Variants in MYO9B observed in about 807,000 individuals in gnomAD.
MYO9B encodes the protein myosin IXB.
MYO9B carries 71 observed loss-of-function variants against 229.5 expected under a neutral mutation model. The ratio of observed to expected loss-of-function variants is 0.31; its 90% CI spans 0.26 to 0.38. The LOEUF (loss-of-function observed/expected upper bound fraction) is 0.38, where lower values mean the gene tolerates loss of function less well. MYO9B is among the 10% of genes least tolerant of loss of function. The pLI is 1.00. For missense variants in MYO9B, 2,255 were observed against 2,920.5 expected, an observed-to-expected ratio of 0.77 and a Z score of 5.25; for synonymous variants, 1,185 against 1,235.8, an observed-to-expected ratio of 0.96 and a Z score of 0.86.
Position 17,162,473 on chromosome 19 carries a change from GC to G in MYO9B, c.1536+12del. On this transcript the variant is annotated splice_region_variant and intron_variant, in intron 9 of 39. Coordinates refer to ENST00000682292, the MANE Select transcript of MYO9B (RefSeq NM_004145.4). ...CGTGGAAGAGGCAGTCTCGGTGAGT[GC>G]CCCCATTTGCTTCCTCAAGCCCGGC... is the stretch of plus-strand genomic sequence containing the variant. 2 of 1,553,310 alleles carry G rather than the reference GC, an allele frequency of 1.3e-6. No individual in the cohort carries two copies. The highest frequency in any genetic ancestry group is 1.9e-5 in the Admixed American group (1 of 51,522).
At position 17,213,160 on chromosome 19, in the gene MYO9B, C is replaced by T. The variant is rs1307906531; in HGVS notation, c.*850C>T. 1 of 152,328 alleles carries T rather than the reference C, an allele frequency of 6.6e-6. No individual in the cohort carries two copies. The highest frequency in any genetic ancestry group is 1.5e-5 in the Non-Finnish European group (1 of 68,108). 9.4% of individuals were successfully genotyped at this position (152,328 alleles called of 1,614,324 possible). ...CCTCCCTATAGGTCAACAGGGACAA[C>T]CTGGGGATCTCTGGAGCAGGGCCCT... On this transcript the variant is annotated 3_prime_UTR_variant, in exon 40 of 40. Transcript: ENST00000682292.
chr19:17,156,796 T>C, intron 6 of MYO9B, 113 bp from the exon 7 acceptor site: 8 of 1,271,328 alleles, frequency 6.3e-6, no homozygotes, highest in Non-Finnish European at 8.7e-6. Flanking sequence ...TCAAATTTCA[T>C]GCGTTCCGAC....
Position 17,154,401 on chromosome 19 carries a change from C to T in MYO9B, c.1185C>T (p.Pro395=), listed in dbSNP as rs780321354. Residue 395 remains proline (P), a synonymous_variant, in exon 6 of 40, where the codon CCC becomes CCT. Coordinates refer to ENST00000682292, the MANE Select transcript of MYO9B (RefSeq NM_004145.4). Reference sequence around the variant, plus strand: ...CCATGGAGATGGTGGGCTTCCTCCCCGCCACCAAGAAGCAGTAAGTGTGCG... The same window carrying T: ...CCATGGAGATGGTGGGCTTCCTCCCTGCCACCAAGAAGCAGTAAGTGTGCG... ...KQAMEMVGFL[P]ATKKQIFAVL... 47 of 1,611,880 alleles carry T rather than the reference C, an allele frequency of 2.9e-5. No homozygotes were observed. Among genetic ancestry groups the T allele is most frequent in the Middle Eastern group, 1.7e-4 (1 of 6,038 alleles).
rs2072938443 is a variant in MYO9B at position 17,188,030 on chromosome 19, C to G, written c.2673C>G (p.Ala891=). The G allele has an allele frequency of 6.3e-7, 1 of 1,595,500 alleles. No individual in the cohort carries two copies. Among genetic ancestry groups the G allele is most frequent in the East Asian group, 2.3e-5 (1 of 43,864 alleles). Residue 891 remains alanine, a synonymous_variant, in exon 19 of 40, where the codon GCC becomes GCG. Coordinates refer to ENST00000682292, the MANE Select transcript of MYO9B (RefSeq NM_004145.4). ...TVRIRRSGYS[A]KYTFQDFTEQ... is the part of the protein sequence containing the mutation. ...GCATCCGGAGGTCAGGGTACAGCGC[C>G]AAGTACACGTTCCAGGTAGGCCACA... is the stretch of plus-strand genomic sequence containing the variant.
intron 2 of MYO9B, among the ~76,000 whole-genome samples, chr19:17,123,274 G>A (rs957586976): frequency 2.0e-5 from 3 of 152,168 alleles, no homozygotes; most frequent in African/African-American, 7.2e-5. Context: ...AGATAGCAGA[G>A]CTGCAATTCG....
rs533664541 is a variant in MYO9B at position 17,130,336 on chromosome 19, G to A, written c.841-15061G>A. Among the ~76,000 whole-genome samples the A allele has an allele frequency of 1.3e-4, 20 of 152,024 alleles. No homozygotes were observed. The East Asian group carries it at 2.1e-3, about 16-fold the overall frequency. ...CAGTACAGAAATTAGCCGGGCATTG[G>A]CCGGGCACGGTGGCTCACGCCTGTA... On this transcript the variant is annotated intron_variant, in intron 2 of 39. Coordinates refer to ENST00000682292, the MANE Select transcript of MYO9B (RefSeq NM_004145.4).
chr19:17,207,482 A>G (rs1208843938), intron 35 of MYO9B: 1 of 296,208 alleles, frequency 3.4e-6, no homozygotes, highest in Admixed American at 5.1e-5. Flanking sequence ...TGAAATTGGA[A>G]ATTTGTATTT....
At position 17,211,923 on chromosome 19, in the gene MYO9B, C is replaced by T. The variant is rs543449247; in HGVS notation, c.6087C>T (p.Pro2029=). The T allele has an allele frequency of 4.9e-5, 77 of 1,575,230 alleles. No homozygotes were observed. The highest frequency in any genetic ancestry group is 3.4e-4 in the African/African-American group (25 of 73,944). Residue 2029 remains proline, a synonymous_variant, in exon 40 of 40, where the codon CCC becomes CCT. Transcript: ENST00000682292. The part of the protein sequence containing the change: ...EGPPAPALPC[P]GAPTPSPLPT... The stretch of plus-strand genomic sequence containing the variant: ...CCCCTGCGCCTGCTCTCCCTTGCCC[C>T]GGCGCGCCCACCCCGAGCCCCCTCC...
At position 17,201,956 on chromosome 19, in the gene MYO9B, A is replaced by G. The variant is rs1485822193; in HGVS notation, c.4594A>G (p.Ile1532Val). The change falls in exon 27 of 40, where the codon ATT becomes GTT. Residue 1532 changes from isoleucine (I) to valine (V), a missense_variant. Around this residue, in one of 7 missense-constraint regions of MYO9B, gnomAD observed 416 missense variants for 605.5 expected, o/e 0.69. Coordinates refer to ENST00000682292, the MANE Select transcript of MYO9B (RefSeq NM_004145.4). ...INDLRSQKTP[I>V]ESLFIEATEK... is the part of the protein sequence containing the mutation. ...TGACCTCCGTTCCCAGAAGACGCCCATTGAGAGCTTGTTTATCGAAGCCAC... is the reference window on the plus strand; with the variant it reads ...TGACCTCCGTTCCCAGAAGACGCCCGTTGAGAGCTTGTTTATCGAAGCCAC... 1.2e-6 allele frequency: 2 copies of G among 1,612,478 alleles called. No homozygotes were observed. The highest frequency in any genetic ancestry group is 8.5e-7 in the Non-Finnish European group (1 of 1,179,470).
At chr19:17,186,068 T>G in intron 18 of MYO9B, 67 bp downstream of exon 18, 1 of 1,422,846 alleles carries the variant, frequency 7.0e-7, no homozygotes, top group Non-Finnish European at 9.9e-7. Context: ...TCGGTGTCCC[T>G]GCATCCAGCC....
Position 17,200,766 on chromosome 19 carries a change from G to A in MYO9B, c.4500G>A (p.Ser1500=), listed in dbSNP as rs768143028. The change falls in exon 26 of 40, where the codon TCG becomes TCA. Residue 1500 remains serine, a synonymous_variant. Coordinates refer to ENST00000682292, the MANE Select transcript of MYO9B (RefSeq NM_004145.4). ...CAGTGTCAGAGAAGTGGCGGGAATC[G>A]GTGTTCCGCCAGATCACCAACGCCA... ...KITVSEKWRE[S]VFRQITNANE... is the part of the protein sequence containing the mutation. 3.7e-6 allele frequency: 6 copies of A among 1,613,878 alleles called. No homozygotes were observed. Among genetic ancestry groups the A allele is most frequent in the South Asian group, 1.1e-5 (1 of 91,086 alleles).
intron 6 of MYO9B, 22 bp downstream of exon 6, chr19:17,154,437 G>A (rs368921305): frequency 1.2e-4 from 185 of 1,591,500 alleles, no homozygotes; most frequent in African/African-American, 2.3e-4. Flanking sequence ...GGCTCCCGGG[G>A]CCTGTCCCCC....
chr19:17,115,614 G>A (rs551327260), intron 2 of MYO9B, among the ~76,000 whole-genome samples: 69 of 151,558 alleles, frequency 4.6e-4, no homozygotes, highest in African/African-American at 1.6e-3. Flanking sequence ...TATTACAGGC[G>A]CCCACCACAA....
intron 2 of MYO9B, among the ~76,000 whole-genome samples, chr19:17,112,070 G>T (rs1283232537): frequency 6.6e-6 from 1 of 152,178 alleles, no homozygotes; most frequent in Non-Finnish European, 1.5e-5. Flanking sequence ...TTGTATGGCT[G>T]GTATGTGGTT....
chr19:17,091,340 C>T lies in MYO9B; in HGVS notation c.-58-10320C>T, dbSNP rs192372723. On this transcript the variant is annotated intron_variant, in intron 1 of 39. Coordinates refer to ENST00000682292, the MANE Select transcript of MYO9B (RefSeq NM_004145.4). Reference sequence around the variant, plus strand: ...TCATGGGCTCAGGCAATCCCCCTGCCTCGGCCTCCCGAGTAGCTGGGATTA... The same window carrying T: ...TCATGGGCTCAGGCAATCCCCCTGCTTCGGCCTCCCGAGTAGCTGGGATTA... Among the ~76,000 whole-genome samples, 276 of 152,370 alleles carry T rather than the reference C, an allele frequency of 1.8e-3. 1 individual carries two copies. The highest frequency in any genetic ancestry group is 3.6e-3 in the Admixed American group (55 of 15,310).
At chr19:17,189,161 C>CAA (rs35791077) in intron 19 of MYO9B, among the ~76,000 whole-genome samples, 2,190 of 133,780 alleles carry the variant, frequency 0.016, 47 homozygotes, top group African/African-American at 0.058. Context: ...AACTCTGCCT[C>CAA]AAAAAAAAAA....
chr19:17,086,695 C>T (rs1044707313), intron 1 of MYO9B, among the ~76,000 whole-genome samples: 1 of 152,130 alleles, frequency 6.6e-6, no homozygotes, highest in African/African-American at 2.4e-5. Context: ...GCCTGGCCAA[C>T]ATGGAGAAAC....
intron 1 of MYO9B, among the ~76,000 whole-genome samples, chr19:17,097,425 T>G (rs2123511565): frequency 6.6e-6 from 1 of 152,158 alleles, no homozygotes; most frequent in South Asian, 2.1e-4. Context: ...CTCTCAAAGC[T>G]TTATCTCATG....
chr19:17,200,517 G>A (rs1214650130), intron 25 of MYO9B, 91 bp downstream of exon 25: 1 of 1,511,458 alleles, frequency 6.6e-7, no homozygotes, highest in African/African-American at 1.4e-5. Flanking sequence ...TGAGTTGGCT[G>A]TGGGCCAAGC....
Sources: allele counts gnomAD v4.1 joint callset (sites outside exome capture counted in the v4.1 genomes callset), GRCh38; gene constraint gnomAD v4.1.1; regional missense constraint gnomAD v4.1.1; transcripts MANE v1.5; gene names NCBI Gene and HGNC (gene_info 2026-07-23, HGNC 2026-07-21).